The following GALNT17 variants were observed in gnomAD, a reference collection of about 807,000 sequenced individuals.
The protein encoded by GALNT17 is polypeptide N-acetylgalactosaminyltransferase 17.
GALNT17 carries 29 observed loss-of-function variants against 63.7 expected under a neutral mutation model. The ratio of observed to expected loss-of-function variants is 0.46; its 90% CI spans 0.34 to 0.62. The LOEUF is 0.62. GALNT17 is among the 20% of genes least tolerant of loss of function. The pLI, the probability that GALNT17 is intolerant of heterozygous loss-of-function variation, is 0.01. For synonymous variants in GALNT17, 305 were observed against 318.3 expected, an observed-to-expected ratio of 0.96 and a Z score of 0.45; for missense variants, 603 against 799.6, an observed-to-expected ratio of 0.75 and a Z score of 2.97.
chr7:71,133,346 C>A (rs1787722677), intron 1 of GALNT17, among the ~76,000 whole-genome samples: 1 of 152,100 alleles, frequency 6.6e-6, no homozygotes, highest in Admixed American at 6.5e-5. Context: ...CCAGCCCGAG[C>A]GCAGAAACTA....
At chr7:71,335,071 C>T (rs2116085658) in intron 1 of GALNT17, among the ~76,000 whole-genome samples, 1 of 152,260 alleles carries the variant, frequency 6.6e-6, no homozygotes, top group African/African-American at 2.4e-5. Flanking sequence ...GATGGTCTCT[C>T]CCTTTTACAG....
At chr7:71,141,212 C>T (rs1357753485) in intron 1 of GALNT17, among the ~76,000 whole-genome samples, 1 of 151,248 alleles carries the variant, frequency 6.6e-6, no homozygotes, top group Non-Finnish European at 1.5e-5. Context: ...ACTAAAAATA[C>T]AAAAAATAGC....
At chr7:71,164,925 GT>G (rs1788410088) in intron 1 of GALNT17, among the ~76,000 whole-genome samples, 1 of 152,042 alleles carries the variant, frequency 6.6e-6, no homozygotes, top group Admixed American at 6.6e-5. Context: ...AGCCTGTTTT[GT>G]TTTCTCTTTT....
intron 6 of GALNT17, among the ~76,000 whole-genome samples, chr7:71,644,692 A>G (rs1026515703): frequency 7.2e-5 from 11 of 152,224 alleles, no homozygotes; most frequent in African/African-American, 2.6e-4. Flanking sequence ...TCAAGGCTGC[A>G]GTGAGCTAGG....
intron 5 of GALNT17, among the ~76,000 whole-genome samples, chr7:71,472,686 A>AAAACTAAACT (rs565689948): frequency 0.013 from 1,922 of 152,166 alleles, 42 homozygotes; most frequent in African/African-American, 0.044. Flanking sequence ...CTTTGTCTCA[A>AAAACTAAACT]AAACTAAACT....
Position 71,571,983 on chromosome 7 carries a change from G to T in GALNT17, c.1080+581G>T, listed in dbSNP as rs150858974. Among the ~76,000 whole-genome samples, 1,231 of 151,852 alleles carry T rather than the reference G, an allele frequency of 8.1e-3. 13 individuals are homozygous for T. Among genetic ancestry groups the T allele is most frequent in the African/African-American group, 0.028 (1,156 of 41,408 alleles). Reference sequence around the variant, plus strand: ...GCTATGATGGCATCACTGCACTCTAGCCTGGGCAACAGAGCAAGAGAGACC... The same window carrying T: ...GCTATGATGGCATCACTGCACTCTATCCTGGGCAACAGAGCAAGAGAGACC... On this transcript the variant is annotated intron_variant, in intron 6 of 10. Coordinates refer to ENST00000333538, the MANE Select transcript of GALNT17 (RefSeq NM_022479.3).
rs369187631 is a variant in GALNT17, at chr7:71,178,931, A to G, written c.238+45891A>G. Among the ~76,000 whole-genome samples the G allele has an allele frequency of 1.8e-4, 28 of 151,878 alleles. No homozygotes were observed. The East Asian group carries it at 4.1e-3, about 22-fold the overall frequency. On this transcript the variant is annotated intron_variant, in intron 1 of 10. Transcript: ENST00000333538. ...TTTTCATTTCATCACCTGTCTAGTG[A>G]TTTTTGATCAATTCCTGGACACTAT...
chr7:71,192,526 GC>G (rs1416236699), intron 1 of GALNT17, among the ~76,000 whole-genome samples: 1 of 151,728 alleles, frequency 6.6e-6, no homozygotes, highest in Non-Finnish European at 1.5e-5. Flanking sequence ...CTCCCAAGTA[GC>G]CGGGATTACA....
intron 5 of GALNT17, among the ~76,000 whole-genome samples, chr7:71,478,077 G>A (rs75508981): frequency 0.02 from 3,016 of 152,172 alleles, 41 homozygotes; most frequent in African/African-American, 0.03. Flanking sequence ...TCCCATCTCC[G>A]ATATATATTC....
At chr7:71,137,306 AT>A (rs945661210) in intron 1 of GALNT17, among the ~76,000 whole-genome samples, 1 of 150,900 alleles carries the variant, frequency 6.6e-6, no homozygotes, top group Admixed American at 6.6e-5. Context: ...CGCCCGGCTA[AT>A]TTTTTGTATT....
At chr7:71,163,558 C>T (rs546499910) in intron 1 of GALNT17, among the ~76,000 whole-genome samples, 5 of 152,196 alleles carry the variant, frequency 3.3e-5, no homozygotes, top group Non-Finnish European at 5.9e-5. Flanking sequence ...GTCATAGTTA[C>T]TTCTTTTGGA....
At chr7:71,360,170 A>G (rs1792370678) in intron 2 of GALNT17, among the ~76,000 whole-genome samples, 2 of 152,232 alleles carry the variant, frequency 1.3e-5, no homozygotes, top group African/African-American at 4.8e-5. Context: ...ACCAAATATG[A>G]TGAAAATCCC....
At chr7:71,161,335 A>C (rs11976791) in intron 1 of GALNT17, among the ~76,000 whole-genome samples, 1 of 152,038 alleles carries the variant, frequency 6.6e-6, no homozygotes, top group East Asian at 1.9e-4. Context: ...TTTTCCAAAT[A>C]TCATTTATTT....
chr7:71,433,502 G>C (rs1160557809), intron 5 of GALNT17, among the ~76,000 whole-genome samples: 4 of 152,228 alleles, frequency 2.6e-5, no homozygotes, highest in African/African-American at 7.2e-5. Flanking sequence ...CAGCAAGCAG[G>C]TGAATTATGT....
At chr7:71,537,176 C>T (rs972894141) in intron 5 of GALNT17, among the ~76,000 whole-genome samples, 1 of 152,174 alleles carries the variant, frequency 6.6e-6, no homozygotes, top group Admixed American at 6.5e-5. Context: ...TTCCATCCAT[C>T]GATTTTGTTT....
chr7:71,157,398 C>T lies in GALNT17; in HGVS notation c.238+24358C>T, dbSNP rs1374822311. 3.3e-5 allele frequency among the ~76,000 whole-genome samples: 5 copies of T among 151,844 alleles called. No homozygotes were observed. The East Asian group carries it at 9.6e-4, about 29-fold the overall frequency. On this transcript the variant is annotated intron_variant, in intron 1 of 10. Transcript: ENST00000333538. The stretch of plus-strand genomic sequence containing the variant: ...ATTGGCTGGGCGCGGTGGCTCATGC[C>T]TGTAATCCCAGCACTTCGGGAGGCT...
chr7:71,362,077 C>T (rs1033396875), intron 2 of GALNT17, among the ~76,000 whole-genome samples: 7 of 152,158 alleles, frequency 4.6e-5, no homozygotes, highest in African/African-American at 7.2e-5. Flanking sequence ...CTGCCTCAGC[C>T]TCCCGAGTGG....
At chr7:71,694,920 A>G (rs1006629624) in intron 9 of GALNT17, among the ~76,000 whole-genome samples, 47 of 152,320 alleles carry the variant, frequency 3.1e-4, no homozygotes, top group African/African-American at 1.1e-3. Context: ...TGGTACAGAA[A>G]GCCAGTGCTT....
At position 71,437,037 on chromosome 7, in the gene GALNT17, G is replaced by A. The variant is rs117216482; in HGVS notation, c.962+15932G>A. Among the ~76,000 whole-genome samples the A allele has an allele frequency of 4.0e-3, 614 of 152,192 alleles. 2 individuals carry two copies. Among genetic ancestry groups the A allele is most frequent in the Non-Finnish European group, 6.8e-3 (465 of 68,032 alleles). ...ACATCTTCGACTCGCTGGCCCTCCC[G>A]GCATTTATTCAGCACACATTAAATG... On this transcript the variant is annotated intron_variant, in intron 5 of 10. Coordinates refer to ENST00000333538, the MANE Select transcript of GALNT17 (RefSeq NM_022479.3).
Sources: allele counts gnomAD v4.1 joint callset (sites outside exome capture counted in the v4.1 genomes callset), GRCh38; gene constraint gnomAD v4.1.1; transcripts MANE v1.5; gene names NCBI Gene and HGNC (gene_info 2026-07-23, HGNC 2026-07-21).